Variants in HIVEP3 observed in about 807,000 individuals in gnomAD.
The protein encoded by HIVEP3 is HIVEP zinc finger 3.
A neutral mutation model predicts 152.8 loss-of-function variants in HIVEP3; 49 were observed. The observed-to-expected ratio is 0.32, with a 90% CI of 0.26 to 0.41. HIVEP3 has a LOEUF of 0.41. Among genes scored for constraint, HIVEP3 ranks in the 10% least tolerant of loss-of-function variants. The pLI, the probability that HIVEP3 is intolerant of heterozygous loss-of-function variation, is 1.00. For synonymous variants in HIVEP3, 1,269 were observed against 1,289.0 expected (o/e 0.98, Z 0.33); for missense variants, 2,790 against 3,103.3 (o/e 0.90, Z 2.40).
chr1:41,560,715 C>T (rs1336739025), intron 5 of HIVEP3, among the ~76,000 whole-genome samples: 2 of 152,222 alleles, frequency 1.3e-5, no homozygotes, highest in African/African-American at 4.8e-5. Context: ...GGAGGCCCCT[C>T]CTCCAAGAGA....
At chr1:41,891,744 G>A (rs977590002) in intron 1 of HIVEP3, among the ~76,000 whole-genome samples, 6 of 152,200 alleles carry the variant, frequency 3.9e-5, no homozygotes, top group Admixed American at 1.3e-4. Flanking sequence ...AGCACAGCTC[G>A]CTCAAGAGGC....
At chr1:41,562,553 CCTT>C (rs112629210) in intron 5 of HIVEP3, among the ~76,000 whole-genome samples, 29,426 of 145,844 alleles carry the variant, frequency 0.2, 3,239 homozygotes, top group Non-Finnish European at 0.26. Context: ...TTCCTTCCTT[CCTT>C]CTTTCCTTCT....
chr1:41,613,499 G>GAATA, intron 3 of HIVEP3, among the ~76,000 whole-genome samples: 1 of 152,252 alleles, frequency 6.6e-6, no homozygotes, highest in South Asian at 2.1e-4. Flanking sequence ...ATTTGTGAGT[G>GAATA]AATAAATAAA....
chr1:41,952,844 T>A (rs1034110819), intron 1 of HIVEP3, among the ~76,000 whole-genome samples: 5 of 152,252 alleles, frequency 3.3e-5, no homozygotes, highest in African/African-American at 9.6e-5. Context: ...TATTTTTAAA[T>A]GATGATCATC....
chr1:41,614,641 A>T (rs6661784), intron 3 of HIVEP3, among the ~76,000 whole-genome samples: 73,651 of 152,020 alleles, frequency 0.48, 18,071 homozygotes, highest in Non-Finnish European at 0.51. Flanking sequence ...TTACAAAAAC[A>T]AAATAGGAAC....
intron 1 of HIVEP3, among the ~76,000 whole-genome samples, chr1:41,916,578 T>G (rs571221986): frequency 6.6e-6 from 1 of 152,194 alleles, no homozygotes; most frequent in South Asian, 2.1e-4. Context: ...CTGTCCACCT[T>G]CCTTGCAAAA....
At chr1:41,789,686 G>T (rs1649573673) in intron 1 of HIVEP3, among the ~76,000 whole-genome samples, 1 of 152,090 alleles carries the variant, frequency 6.6e-6, no homozygotes, top group South Asian at 2.1e-4. Context: ...GCCAAGATGG[G>T]GCACACAGAC....
intron 1 of HIVEP3, among the ~76,000 whole-genome samples, chr1:41,975,104 C>T (rs991127044): frequency 6.6e-6 from 1 of 152,154 alleles, no homozygotes; most frequent in African/African-American, 2.4e-5. Flanking sequence ...GACCTGGAGA[C>T]CTGGCCCCCT....
chr1:41,927,138 C>T (rs1159914484), intron 1 of HIVEP3, among the ~76,000 whole-genome samples: 1 of 152,218 alleles, frequency 6.6e-6, no homozygotes, highest in African/African-American at 2.4e-5. Flanking sequence ...GAGTATTTCC[C>T]TGAGTCTTGT....
intron 5 of HIVEP3, among the ~76,000 whole-genome samples, chr1:41,537,703 G>A (rs981513275): frequency 2.0e-5 from 3 of 152,238 alleles, no homozygotes; most frequent in Admixed American, 2.0e-4. Flanking sequence ...GGCCATGTGG[G>A]TCATGGGGAA....
intron 2 of HIVEP3, among the ~76,000 whole-genome samples, chr1:41,657,109 T>C (rs536071554): frequency 9.2e-5 from 14 of 152,314 alleles, no homozygotes; most frequent in African/African-American, 3.4e-4. Flanking sequence ...AGCCCAGAGC[T>C]GAGCCCCCAG....
At chr1:41,987,948 A>T (rs1044263186) in intron 1 of HIVEP3, among the ~76,000 whole-genome samples, 1 of 152,216 alleles carries the variant, frequency 6.6e-6, no homozygotes, top group Non-Finnish European at 1.5e-5. Flanking sequence ...TCATGAGAAC[A>T]GTATGGGGGA....
chr1:42,014,956 A>G (rs1242045512), intron 1 of HIVEP3, among the ~76,000 whole-genome samples: 1 of 152,162 alleles, frequency 6.6e-6, no homozygotes, highest in East Asian at 1.9e-4. Context: ...CTCCACTCAC[A>G]TAAAGATGAG....
chr1:41,547,358 A>G (rs965927198), intron 5 of HIVEP3, among the ~76,000 whole-genome samples: 1 of 152,164 alleles, frequency 6.6e-6, no homozygotes, highest in Non-Finnish European at 1.5e-5. Flanking sequence ...GGGGTTTGGA[A>G]GGATAGCTGT....
chr1:41,626,908 C>T (rs543707033), intron 3 of HIVEP3, among the ~76,000 whole-genome samples: 70 of 152,312 alleles, frequency 4.6e-4, no homozygotes, highest in Middle Eastern at 3.4e-3. Context: ...AGAGGCTCTG[C>T]CCCTTACCAT....
intron 1 of HIVEP3, among the ~76,000 whole-genome samples, chr1:41,929,726 T>TTATATATATATATATATATATATATATA (rs55663663): frequency 2.7e-4 from 31 of 112,794 alleles, no homozygotes; most frequent in Non-Finnish European, 4.7e-4. Context: ...ATATGTGTTT[T>TTATATATATATATATATATATATATATA]TATATATATA....
chr1:41,638,752 C>T (rs1645326424), intron 2 of HIVEP3, among the ~76,000 whole-genome samples: 2 of 152,212 alleles, frequency 1.3e-5, no homozygotes, highest in Admixed American at 1.3e-4. Context: ...CTCCACTCTC[C>T]ACCAACACAT....
At chr1:41,649,233 A>C (rs1411645868) in intron 2 of HIVEP3, among the ~76,000 whole-genome samples, 1 of 152,180 alleles carries the variant, frequency 6.6e-6, no homozygotes, top group East Asian at 1.9e-4. Context: ...TGTCTCCCAT[A>C]AGGGGTTGGT....
intron 1 of HIVEP3, among the ~76,000 whole-genome samples, chr1:41,876,743 C>T (rs1045801249): frequency 6.6e-6 from 1 of 152,162 alleles, no homozygotes; most frequent in Non-Finnish European, 1.5e-5. Flanking sequence ...CCCACTCCAG[C>T]CAAGCACATT....
Sources: allele counts gnomAD v4.1 joint callset (sites outside exome capture counted in the v4.1 genomes callset), GRCh38; gene constraint gnomAD v4.1.1; transcripts MANE v1.5; gene names NCBI Gene and HGNC (gene_info 2026-07-23, HGNC 2026-07-21).